Variants in ZDHHC14 observed in about 807,000 individuals in gnomAD.
ZDHHC14 encodes the protein palmitoyltransferase ZDHHC14.
ZDHHC14 carries 16 observed loss-of-function variants against 47.7 expected under a neutral mutation model. The ratio of observed to expected loss-of-function variants is 0.34; its 90% CI spans 0.23 to 0.51. ZDHHC14 has a LOEUF of 0.51. Ranked by LOEUF, ZDHHC14 falls within the 20% of genes least tolerant of loss-of-function variation. ZDHHC14 has a pLI of 0.97. For synonymous variants in ZDHHC14, 293 were observed against 278.9 expected (o/e 1.05, Z -0.50); for missense variants, 515 against 662.5 (o/e 0.78, Z 2.44).
At chr6:157,382,822 C>G (rs146620048) in intron 1 of ZDHHC14, among the ~76,000 whole-genome samples, 1 of 152,330 alleles carries the variant, frequency 6.6e-6, no homozygotes, top group East Asian at 1.9e-4. Context: ...CTGGATAGAT[C>G]ATTGCATTCT....
chr6:157,667,895 A>G (rs1377967160), intron 8 of ZDHHC14, among the ~76,000 whole-genome samples: 1 of 152,186 alleles, frequency 6.6e-6, no homozygotes, highest in African/African-American at 2.4e-5. Context: ...AGAATTGTAA[A>G]TTCCAGTCAG....
intron 1 of ZDHHC14, among the ~76,000 whole-genome samples, chr6:157,417,747 G>C (rs775520685): frequency 6.6e-6 from 1 of 152,198 alleles, no homozygotes; most frequent in African/African-American, 2.4e-5. Flanking sequence ...TTGGGAGGCC[G>C]AGGCGGGCGG....
chr6:157,489,209 T>C (rs750524502), intron 1 of ZDHHC14, among the ~76,000 whole-genome samples: 12 of 152,210 alleles, frequency 7.9e-5, no homozygotes, highest in Non-Finnish European at 4.4e-5. Context: ...TTTTCTCACA[T>C]AGGAATATTT....
intron 1 of ZDHHC14, among the ~76,000 whole-genome samples, chr6:157,437,121 G>A (rs1473926827): frequency 6.6e-6 from 1 of 152,206 alleles, no homozygotes; most frequent in Non-Finnish European, 1.5e-5. Context: ...GTGCAGCACA[G>A]GCCTTTCCCA....
intron 8 of ZDHHC14, among the ~76,000 whole-genome samples, chr6:157,654,200 A>C (rs1033337283): frequency 2.6e-5 from 4 of 152,124 alleles, no homozygotes; most frequent in African/African-American, 9.7e-5. Context: ...ACGGGTGGAC[A>C]TGCTTTGCTT....
rs1251567216 is a variant in ZDHHC14, at chr6:157,656,333, ACTTTT to A, written c.1068+2717_1068+2721del. Among the ~76,000 whole-genome samples, 4 of 130,220 alleles carry A rather than the reference ACTTTT, an allele frequency of 3.1e-5. No individual in the cohort carries two copies. In the East Asian group the frequency reaches 1.2e-3, roughly 38 times the overall value. The allele number at this position is 130,220 out of a possible 152,430, so 85.4% of individuals were successfully genotyped here. ...TTGTCACTCAATTCAGTGTAAGGCTACTTTTCTTTTCTTTTTTTTGAAACAGTGTC... is the reference window on the plus strand; with the variant it reads ...TTGTCACTCAATTCAGTGTAAGGCTACTTTTCTTTTTTTTGAAACAGTGTC... On this transcript the variant is annotated intron_variant, in intron 8 of 8. Transcript: ENST00000359775.
intron 1 of ZDHHC14, among the ~76,000 whole-genome samples, chr6:157,464,001 G>T (rs910219402): frequency 2.6e-5 from 4 of 151,984 alleles, no homozygotes; most frequent in African/African-American, 4.8e-5. Context: ...CTCCAGCCTG[G>T]GTGACAGAGC....
chr6:157,643,243 C>T (rs1429147270), intron 5 of ZDHHC14, among the ~76,000 whole-genome samples: 1 of 152,172 alleles, frequency 6.6e-6, no homozygotes, highest in Non-Finnish European at 1.5e-5. Flanking sequence ...GTGGGTAGTG[C>T]CAGCAGGCTG....
At chr6:157,656,944 G>A (rs920360796) in intron 8 of ZDHHC14, among the ~76,000 whole-genome samples, 6 of 152,160 alleles carry the variant, frequency 3.9e-5, no homozygotes, top group African/African-American at 1.4e-4. Flanking sequence ...TGCGGCCCTG[G>A]TCACCTGCCC....
At chr6:157,623,075 T>C (rs529472323) in intron 3 of ZDHHC14, among the ~76,000 whole-genome samples, 1 of 152,318 alleles carries the variant, frequency 6.6e-6, no homozygotes, top group South Asian at 2.1e-4. Context: ...TGTTATTTTC[T>C]AGAACCTTCC....
chr6:157,577,820 G>C (rs1279026218), intron 2 of ZDHHC14, among the ~76,000 whole-genome samples: 2 of 152,178 alleles, frequency 1.3e-5, no homozygotes, highest in Non-Finnish European at 2.9e-5. Context: ...CAAAGTGCTG[G>C]GATTACAGGC....
At chr6:157,612,863 T>A (rs1784806378) in intron 3 of ZDHHC14, among the ~76,000 whole-genome samples, 1 of 151,564 alleles carries the variant, frequency 6.6e-6, no homozygotes, top group Admixed American at 6.6e-5. Flanking sequence ...AAAAGTATAT[T>A]GCTTTTTTGG....
intron 5 of ZDHHC14, among the ~76,000 whole-genome samples, chr6:157,638,606 A>G (rs975841546): frequency 6.6e-6 from 1 of 152,244 alleles, no homozygotes; most frequent in African/African-American, 2.4e-5. Flanking sequence ...AACAGCCACC[A>G]TGGGCAAAAC....
chr6:157,411,199 T>A lies in ZDHHC14; in HGVS notation c.245+28933T>A, dbSNP rs143544493. On this transcript the variant is annotated intron_variant, in intron 1 of 8. Transcript: ENST00000359775. The stretch of plus-strand genomic sequence containing the variant: ...GTGATGAAACTTAGAACATGTGATT[T>A]ATTAAAAGCTTTCAATGAATGAAAA... Among the ~76,000 whole-genome samples the A allele has an allele frequency of 8.5e-4, 129 of 152,286 alleles. 1 individual carries two copies. Among genetic ancestry groups the A allele is most frequent in the Admixed American group, 2.1e-3 (32 of 15,294 alleles).
chr6:157,413,612 G>T (rs903126329), intron 1 of ZDHHC14, among the ~76,000 whole-genome samples: 1 of 149,204 alleles, frequency 6.7e-6, no homozygotes, highest in Non-Finnish European at 1.5e-5. Context: ...TAAGTCAGAA[G>T]GCAGCCAAAA....
At chr6:157,644,817 A>AT (rs1777442391) in intron 5 of ZDHHC14, among the ~76,000 whole-genome samples, 1 of 152,114 alleles carries the variant, frequency 6.6e-6, no homozygotes, top group Non-Finnish European at 1.5e-5. Context: ...GGATGAATGG[A>AT]TTTTTCCCCC....
chr6:157,393,225 G>A (rs1052180507), intron 1 of ZDHHC14, among the ~76,000 whole-genome samples: 13 of 152,186 alleles, frequency 8.5e-5, no homozygotes, highest in African/African-American at 3.1e-4. Flanking sequence ...TTTAAAAACA[G>A]CAGTATAATC....
chr6:157,484,293 G>GTT (rs1779708009), intron 1 of ZDHHC14, among the ~76,000 whole-genome samples: 1 of 139,166 alleles, frequency 7.2e-6, no homozygotes, highest in Non-Finnish European at 1.5e-5. Flanking sequence ...ATATATATGT[G>GTT]TATATATATA....
At chr6:157,504,564 C>T (rs149736616) in intron 1 of ZDHHC14, among the ~76,000 whole-genome samples, 215 of 150,602 alleles carry the variant, frequency 1.4e-3, no homozygotes, top group African/African-American at 5.1e-3. Context: ...GCACCCACCA[C>T]CACACCTGGC....
Sources: allele counts gnomAD v4.1 joint callset (sites outside exome capture counted in the v4.1 genomes callset), GRCh38; gene constraint gnomAD v4.1.1; transcripts MANE v1.5; gene names NCBI Gene and HGNC (gene_info 2026-07-23, HGNC 2026-07-21).